NCAM2: variants seen among roughly 807,000 people sequenced by gnomAD.
NCAM2 encodes the protein neural cell adhesion molecule 2.
A neutral mutation model predicts 98.1 loss-of-function variants in NCAM2; 30 were observed. The observed-to-expected ratio is 0.31, with a 90% CI of 0.23 to 0.41. The LOEUF (loss-of-function observed/expected upper bound fraction) is 0.41, where lower values mean the gene tolerates loss of function less well. Ranked by LOEUF, NCAM2 falls within the 10% of genes least tolerant of loss-of-function variation. The pLI, the probability that NCAM2 is intolerant of heterozygous loss-of-function variation, is 1.00. For missense variants in NCAM2, 867 were observed against 1,005.8 expected, an observed-to-expected ratio of 0.86 and a Z score of 1.87; for synonymous variants, 368 against 342.4, an observed-to-expected ratio of 1.07 and a Z score of -0.83.
intron 1 of NCAM2, among the ~76,000 whole-genome samples, chr21:21,264,665 A>C (rs1266510591): frequency 4.0e-5 from 6 of 150,554 alleles, no homozygotes. Flanking sequence ...ATATATATAT[A>C]TACACACACA....
chr21:21,346,402 G>A (rs953849274), intron 8 of NCAM2, among the ~76,000 whole-genome samples: 1 of 152,002 alleles, frequency 6.6e-6, no homozygotes. Flanking sequence ...TATTATTAGA[G>A]CTGAAGAGAG....
At chr21:21,172,182 T>C (rs1474725523) in intron 1 of NCAM2, among the ~76,000 whole-genome samples, 1 of 152,024 alleles carries the variant, frequency 6.6e-6, no homozygotes, top group Non-Finnish European at 1.5e-5. Context: ...AATGACAATA[T>C]CATCAGTTTG....
At chr21:21,455,976 A>T (rs1385547892) in intron 12 of NCAM2, among the ~76,000 whole-genome samples, 1 of 152,060 alleles carries the variant, frequency 6.6e-6, no homozygotes, top group Non-Finnish European at 1.5e-5. Context: ...TAATATTAAA[A>T]ATTCTTTCAA....
At chr21:21,405,708 A>T (rs1032583606) in intron 9 of NCAM2, among the ~76,000 whole-genome samples, 1 of 168 alleles carries the variant, frequency 6.0e-3, no homozygotes, top group Non-Finnish European at 0.011. Flanking sequence ...TGTGCTAGGG[A>T]GACAATTTTG....
At chr21:21,466,828 T>A in intron 13 of NCAM2, 103 bp downstream of exon 13, 1 of 1,180,404 alleles carries the variant, frequency 8.5e-7, no homozygotes, top group African/African-American at 1.6e-5. Context: ...TTTTGAGACA[T>A]GAATTATGTC....
intron 1 of NCAM2, among the ~76,000 whole-genome samples, chr21:21,244,881 A>G (rs2071206038): frequency 6.6e-6 from 1 of 150,876 alleles, no homozygotes; most frequent in South Asian, 2.1e-4. Flanking sequence ...ACGGTATTAC[A>G]GCACTTCAAT....
At chr21:21,203,206 G>A (rs555028097) in intron 1 of NCAM2, among the ~76,000 whole-genome samples, 16 of 152,278 alleles carry the variant, frequency 1.1e-4, no homozygotes, top group Admixed American at 5.9e-4. Context: ...AAGGACTCCC[G>A]TGTAAGAGGA....
chr21:21,225,936 G>A (rs1378388583), intron 1 of NCAM2, among the ~76,000 whole-genome samples: 8 of 152,016 alleles, frequency 5.3e-5, no homozygotes. Context: ...GGTGGCTATC[G>A]ATAGTGGTGG....
At chr21:21,011,365 G>A (rs1429897303) in intron 1 of NCAM2, among the ~76,000 whole-genome samples, 2 of 151,944 alleles carry the variant, frequency 1.3e-5, no homozygotes, top group African/African-American at 4.8e-5. Flanking sequence ...TTGAAGAAAC[G>A]AGGAGTTGCA....
chr21:21,425,040 C>T (rs1189921413), intron 11 of NCAM2, among the ~76,000 whole-genome samples: 2 of 43,854 alleles, frequency 4.6e-5, no homozygotes, highest in East Asian at 5.6e-4. Context: ...CTTCCTCCTC[C>T]AAAAAAAAAA....
At chr21:21,126,678 G>C (rs564348664) in intron 1 of NCAM2, among the ~76,000 whole-genome samples, 170 of 152,078 alleles carry the variant, frequency 1.1e-3, no homozygotes, top group African/African-American at 3.8e-3. Flanking sequence ...AAGCTTCTGT[G>C]AAAAGAGGAG....
At chr21:21,466,961 G>A (rs376623210) in intron 13 of NCAM2, among the ~76,000 whole-genome samples, 1 of 151,872 alleles carries the variant, frequency 6.6e-6, no homozygotes, top group Non-Finnish European at 1.5e-5. Context: ...AATTGTTCCC[G>A]GGAAATTGTC....
intron 1 of NCAM2, among the ~76,000 whole-genome samples, chr21:21,116,610 T>G (rs2066564323): frequency 6.6e-6 from 1 of 152,152 alleles, no homozygotes; most frequent in Non-Finnish European, 1.5e-5. Context: ...ATCCCAGCAC[T>G]TTGGGAGGCC....
chr21:21,467,754 AG>A (rs1323090521), intron 13 of NCAM2, among the ~76,000 whole-genome samples: 2 of 105,448 alleles, frequency 1.9e-5, no homozygotes, highest in African/African-American at 7.6e-5. Flanking sequence ...TGGGAGGCTG[AG>A]GTGAGAGGTG....
intron 1 of NCAM2, among the ~76,000 whole-genome samples, chr21:21,145,890 C>G (rs1194543627): frequency 6.6e-6 from 1 of 152,030 alleles, no homozygotes; most frequent in African/African-American, 2.4e-5. Flanking sequence ...ACTTAAGGAG[C>G]TTGGTAAAAT....
At chr21:21,174,367 A>AGTATAAGT (rs1314950684) in intron 1 of NCAM2, among the ~76,000 whole-genome samples, 4 of 152,332 alleles carry the variant, frequency 2.6e-5, no homozygotes, top group East Asian at 1.9e-4. Flanking sequence ...TTCTTTGAAC[A>AGTATAAGT]GTATAAGTGT....
chr21:21,222,344 T>A (rs1443780594), intron 1 of NCAM2, among the ~76,000 whole-genome samples: 1 of 152,194 alleles, frequency 6.6e-6, no homozygotes, highest in Non-Finnish European at 1.5e-5. Context: ...TTCATAAGGC[T>A]GTAGCTTTTA....
At chr21:21,172,951 T>C (rs2146856756) in intron 1 of NCAM2, among the ~76,000 whole-genome samples, 1 of 152,290 alleles carries the variant, frequency 6.6e-6, no homozygotes, top group African/African-American at 2.4e-5. Context: ...GATCTTTTAC[T>C]GCTTTAAAAA....
At chr21:21,494,967 T>A (rs1460082) in intron 15 of NCAM2, among the ~76,000 whole-genome samples, 1,588 of 134,292 alleles carry the variant, frequency 0.012, 15 homozygotes, top group Middle Eastern at 0.035. Context: ...AATCAGTTAC[T>A]TTAAAGGATA....
Sources: gnomAD v4.1 joint callset for allele counts (sites outside exome capture counted in the v4.1 genomes callset) on GRCh38, gnomAD v4.1.1 for gene constraint, MANE v1.5 for transcripts, NCBI Gene and HGNC (gene_info 2026-07-23, HGNC 2026-07-21) for gene names.